ZNF385B: variants seen among roughly 807,000 people sequenced by gnomAD.
The protein encoded by ZNF385B is zinc finger protein 533.
Under a neutral mutation model 39.2 loss-of-function variants are expected in ZNF385B, and 23 were observed. That is an observed-to-expected ratio of 0.59 (90% CI 0.42 to 0.83). The LOEUF (loss-of-function observed/expected upper bound fraction) is 0.83. ZNF385B is among the 40% of genes least tolerant of loss of function. The pLI, the probability that ZNF385B is intolerant of heterozygous loss-of-function variation, is 0.00. For missense variants in ZNF385B, 552 were observed against 598.9 expected (o/e 0.92, Z 0.82); for synonymous variants, 205 against 222.6 (o/e 0.92, Z 0.70).
chr2:179,510,898 A>C (rs2057632024), intron 5 of ZNF385B, among the ~76,000 whole-genome samples: 2 of 152,224 alleles, frequency 1.3e-5, no homozygotes, highest in South Asian at 4.1e-4. Flanking sequence ...AGTTAAAAGC[A>C]AGCACCAGGC....
At chr2:179,611,213 CT>C (rs1261185160) in intron 3 of ZNF385B, among the ~76,000 whole-genome samples, 4 of 152,120 alleles carry the variant, frequency 2.6e-5, no homozygotes, top group Non-Finnish European at 4.4e-5. Context: ...GAAGTATACT[CT>C]TTTCATATCC....
chr2:179,681,755 T>C (rs929311577), intron 3 of ZNF385B, among the ~76,000 whole-genome samples: 20 of 152,338 alleles, frequency 1.3e-4, no homozygotes, highest in African/African-American at 4.8e-4. Flanking sequence ...TCTTTGACTG[T>C]GGGAAATGGA....
intron 3 of ZNF385B, among the ~76,000 whole-genome samples, chr2:179,716,657 G>A (rs140879911): frequency 3.9e-5 from 6 of 152,230 alleles, no homozygotes; most frequent in African/African-American, 1.4e-4. Context: ...TGGGTGAATT[G>A]GCAAGTTGCT....
intron 3 of ZNF385B, among the ~76,000 whole-genome samples, chr2:179,570,218 C>T (rs1685054826): frequency 6.6e-6 from 1 of 152,160 alleles, no homozygotes; most frequent in Non-Finnish European, 1.5e-5. Flanking sequence ...CGTACCACTC[C>T]TGCAAGTCCT....
chr2:179,570,687 C>T (rs981126260), intron 3 of ZNF385B, among the ~76,000 whole-genome samples: 3 of 152,186 alleles, frequency 2.0e-5, no homozygotes, highest in African/African-American at 4.8e-5. Context: ...ATATCCTCAA[C>T]ATATTCCATT....
At chr2:179,787,836 G>C (rs1480372032) in intron 1 of ZNF385B, among the ~76,000 whole-genome samples, 2 of 152,252 alleles carry the variant, frequency 1.3e-5, no homozygotes, top group African/African-American at 4.8e-5. Context: ...TACTTCACCT[G>C]CAAGCTGTGG....
chr2:179,483,505 G>T, intron 5 of ZNF385B, 71 bp from the exon 6 acceptor site: 2 of 1,589,348 alleles, frequency 1.3e-6, no homozygotes, highest in Non-Finnish European at 8.6e-7. Flanking sequence ...TCATGCAGGA[G>T]AAAAATACAT....
chr2:179,775,805 C>T (rs929080591), intron 1 of ZNF385B, among the ~76,000 whole-genome samples: 8 of 152,178 alleles, frequency 5.3e-5, no homozygotes, highest in Non-Finnish European at 7.3e-5. Flanking sequence ...AATATAGCTC[C>T]AAGGAACTTA....
intron 3 of ZNF385B, chr2:179,562,364 T>G: frequency 1.0e-6 from 1 of 982,196 alleles, no homozygotes; most frequent in Non-Finnish European, 1.2e-6. Flanking sequence ...GAAAGTTCCT[T>G]AAGATGTAAA....
chr2:179,468,968 C>T (rs2052428406), intron 6 of ZNF385B, among the ~76,000 whole-genome samples: 1 of 152,126 alleles, frequency 6.6e-6, no homozygotes, highest in Non-Finnish European at 1.5e-5. Flanking sequence ...TTTCTAAAAG[C>T]CAATTATAAA....
chr2:179,524,534 A>C (rs1170563790), intron 4 of ZNF385B, among the ~76,000 whole-genome samples: 2 of 119,966 alleles, frequency 1.7e-5, no homozygotes, highest in African/African-American at 3.1e-5. Flanking sequence ...CCTGGGTGAC[A>C]GAGCGAGACT....
In ZNF385B at chr2:179,659,256, T is replaced by A. The variant is rs181274143; in HGVS notation, c.298+110247A>T. Among the ~76,000 whole-genome samples the A allele has an allele frequency of 9.2e-4, 140 of 152,358 alleles. 2 individuals are homozygous for A. In the East Asian group the frequency reaches 0.025, roughly 28 times the overall value. On this transcript the variant is annotated intron_variant, in intron 3 of 9. Coordinates refer to ENST00000410066, the MANE Select transcript of ZNF385B (RefSeq NM_152520.6). ...AACTGGAAAATTCCTCAACTCAATG[T>A]GTACTTACCAATAGATTCTCTTACG...
At chr2:179,773,708 C>G (rs1559182196) in intron 1 of ZNF385B, among the ~76,000 whole-genome samples, 1 of 152,148 alleles carries the variant, frequency 6.6e-6, no homozygotes, top group Non-Finnish European at 1.5e-5. Context: ...AAACAGTGAA[C>G]ACGGTCAAGG....
chr2:179,759,508 T>C (rs1056294788), intron 3 of ZNF385B, among the ~76,000 whole-genome samples: 6 of 152,216 alleles, frequency 3.9e-5, no homozygotes. Flanking sequence ...AAAGGGATCT[T>C]CCTCTTTTCC....
At chr2:179,706,777 AGGTGGGGATT>A (rs1415475504) in intron 3 of ZNF385B, among the ~76,000 whole-genome samples, 1 of 152,246 alleles carries the variant, frequency 6.6e-6, no homozygotes, top group Admixed American at 6.5e-5. Flanking sequence ...CTTGCAGCAT[AGGTGGGGATT>A]GGTCAGTTAC....
Position 179,723,897 on chromosome 2 carries a change from T to C in ZNF385B, c.298+45606A>G, listed in dbSNP as rs149876912. Reference sequence around the variant, plus strand: ...TGGTTATCAATTGGGACCAAAACAATAAAGTAGTAAAATCAAGGACTCACA... The same window carrying C: ...TGGTTATCAATTGGGACCAAAACAACAAAGTAGTAAAATCAAGGACTCACA... On this transcript the variant is annotated intron_variant, in intron 3 of 9. Coordinates refer to ENST00000410066, the MANE Select transcript of ZNF385B (RefSeq NM_152520.6). 2.0e-5 allele frequency among the ~76,000 whole-genome samples: 3 copies of C among 152,206 alleles called. No individual in the cohort carries two copies. In the East Asian group the frequency reaches 5.8e-4, roughly 29 times the overall value.
chr2:179,819,765 A>C (rs1222812267), intron 1 of ZNF385B, among the ~76,000 whole-genome samples: 1 of 152,164 alleles, frequency 6.6e-6, no homozygotes, highest in East Asian at 1.9e-4. Context: ...AGGATGGGGA[A>C]AAGGTACATT....
At chr2:179,493,743 ATATGTG>A (rs2055725783) in intron 5 of ZNF385B, among the ~76,000 whole-genome samples, 1 of 141,378 alleles carries the variant, frequency 7.1e-6, no homozygotes, top group Non-Finnish European at 1.5e-5. Context: ...ATATGTATAC[ATATGTG>A]TATATACATA....
chr2:179,460,104 A>AAAAAG (rs919999464), intron 6 of ZNF385B, among the ~76,000 whole-genome samples: 1 of 152,178 alleles, frequency 6.6e-6, no homozygotes, highest in South Asian at 2.1e-4. Flanking sequence ...ACTCTGTCTC[A>AAAAAG]AAAAGAAAAG....
Sources: allele counts gnomAD v4.1 joint callset (sites outside exome capture counted in the v4.1 genomes callset), GRCh38; gene constraint gnomAD v4.1.1; transcripts MANE v1.5; gene names NCBI Gene and HGNC (gene_info 2026-07-23, HGNC 2026-07-21).